Variants in IQGAP1 observed in about 807,000 individuals in gnomAD.
IQGAP1 encodes IQ motif containing GTPase activating protein 1.
IQGAP1 carries 66 observed loss-of-function variants against 215.6 expected under a neutral mutation model. The observed-to-expected ratio is 0.31, with a 90% CI of 0.25 to 0.38. The LOEUF (loss-of-function observed/expected upper bound fraction) is 0.38, where lower values mean the gene tolerates loss of function less well. Ranked by LOEUF, IQGAP1 falls within the 10% of genes least tolerant of loss-of-function variation. The probability of loss-of-function intolerance (pLI) is 1.00; values close to 1 mark genes in which losing one functional copy is unlikely to be tolerated. For synonymous variants in IQGAP1, 772 were observed against 728.7 expected, an observed-to-expected ratio of 1.06 and a Z score of -0.96; for missense variants, 1,712 against 1,997.1, an observed-to-expected ratio of 0.86 and a Z score of 2.72.
chr15:90,405,746 T>TG (rs1225415256), intron 2 of IQGAP1, among the ~76,000 whole-genome samples: 2 of 151,826 alleles, frequency 1.3e-5, no homozygotes, highest in Non-Finnish European at 2.9e-5. Flanking sequence ...TTCCAGGTTT[T>TG]TTTTTTTTTT....
intron 33 of IQGAP1, 50 bp downstream of exon 33, chr15:90,487,632 C>A: frequency 3.2e-6 from 4 of 1,245,368 alleles, no homozygotes; most frequent in South Asian, 2.4e-5. Context: ...TAAGCTCTCC[C>A]GATAGGCGCA....
At chr15:90,499,960 ATGTTTTGTT>A (rs764555250) in intron 37 of IQGAP1, 26 bp from the exon 38 acceptor site, 12 of 1,168,060 alleles carry the variant, frequency 1.0e-5, no homozygotes, top group African/African-American at 7.8e-5. Context: ...AACTGTCAAA[ATGTTTTGTT>A]TTGTTTTGTT....
At chr15:90,494,565 C>A in intron 35 of IQGAP1, 148 bp from the exon 36 acceptor site, 1 of 540,818 alleles carries the variant, frequency 1.8e-6, no homozygotes, top group Non-Finnish European at 3.2e-6. Context: ...TAGGCTAATT[C>A]TAACATTTGT....
At chr15:90,482,571 G>A in intron 28 of IQGAP1, 1 of 418,214 alleles carries the variant, frequency 2.4e-6, no homozygotes, top group South Asian at 2.5e-5. Flanking sequence ...CCCTCTGCTG[G>A]TGACCTGGCG....
chr15:90,440,281 A>G (rs962785593), intron 6 of IQGAP1, among the ~76,000 whole-genome samples: 10 of 152,234 alleles, frequency 6.6e-5, no homozygotes, highest in Admixed American at 2.6e-4. Context: ...TTCTCACTTT[A>G]TAGTTATTTT....
chr15:90,406,543 C>A lies in IQGAP1; in HGVS notation c.155+15670C>A, dbSNP rs369781203. On this transcript the variant is annotated intron_variant, in intron 2 of 37. Transcript: ENST00000268182. ...TACAACATTGTGAATATTCTAAAAG[C>A]AACTGAATTGTATATTTTAAATGAG... Among the ~76,000 whole-genome samples the A allele has an allele frequency of 2.6e-5, 4 of 152,188 alleles. No individual in the cohort carries two copies. The East Asian group carries it at 5.8e-4, about 22-fold the overall frequency.
rs1964581617 is a variant in IQGAP1, at chr15:90,388,388, A to C, written c.47A>C (p.His16Pro). 6.3e-7 allele frequency: 1 copy of C among 1,584,932 alleles called. No homozygotes were observed. The highest frequency in any genetic ancestry group is 8.6e-7 in the Non-Finnish European group (1 of 1,168,058). ...EVDGLGVARP[H>P]YGSVLDNERL... ...GACGGGCTGGGCGTGGCCCGGCCGC[A>C]CTATGGCTGTGAGTGCGGGGCTCCG... The change falls in exon 1 of 38, where the codon CAC becomes CCC. Residue 16 changes from histidine to proline, a missense_variant. This residue lies in a region of IQGAP1 where 1,021 missense variants were observed against 1,074.2 expected (regional missense o/e 0.95). Transcript: ENST00000268182.
At chr15:90,430,516 A>G (rs981608132) in intron 4 of IQGAP1, among the ~76,000 whole-genome samples, 2 of 152,168 alleles carry the variant, frequency 1.3e-5, no homozygotes, top group Non-Finnish European at 2.9e-5. Context: ...GCCAAATACT[A>G]GTGCCATTTA....
rs1205096319 is a variant in IQGAP1, at chr15:90,501,301, C to T, written c.*1193C>T. 1.3e-5 allele frequency: 2 copies of T among 151,170 alleles called. No individual in the cohort carries two copies. Among genetic ancestry groups the T allele is most frequent in the Non-Finnish European group, 2.9e-5 (2 of 67,920 alleles). 9.4% of individuals were successfully genotyped at this position (151,170 alleles called of 1,614,324 possible). Reference sequence around the variant, plus strand: ...CATTGTGCCTTTATTTTATGAGCCCCAGTTTTCTGGGCTTAGTTTAAAAAA... The same window carrying T: ...CATTGTGCCTTTATTTTATGAGCCCTAGTTTTCTGGGCTTAGTTTAAAAAA... On this transcript the variant is annotated 3_prime_UTR_variant, in exon 38 of 38. Transcript: ENST00000268182.
chr15:90,487,683 C>G (rs1966146285), intron 33 of IQGAP1, 101 bp downstream of exon 33: 1 of 781,208 alleles, frequency 1.3e-6, no homozygotes, highest in South Asian at 1.7e-5. Context: ...CAGTTGGTAG[C>G]CTAGGGGTGA....
chr15:90,416,679 G>A (rs923972850), intron 2 of IQGAP1, among the ~76,000 whole-genome samples: 52 of 151,352 alleles, frequency 3.4e-4, no homozygotes, highest in Admixed American at 1.1e-3. Context: ...CCGTGTTCAC[G>A]CCATTCTCCT....
intron 22 of IQGAP1, 56 bp from the exon 23 acceptor site, chr15:90,474,429 C>T: frequency 7.6e-7 from 1 of 1,321,440 alleles, no homozygotes; most frequent in Non-Finnish European, 1.1e-6. Flanking sequence ...ATGCTATTTC[C>T]TGAGACGTAG....
Position 90,473,083 on chromosome 15 carries a change from A to G in IQGAP1, c.2349+73A>G, listed in dbSNP as rs1044640663. On this transcript the variant is annotated intron_variant, in intron 19 of 37. Transcript: ENST00000268182. Reference sequence around the variant, plus strand: ...GGGTAATAAACGGTCAGCTGTCACCATTGACTGTCTGAGTGTGTTTTTTGA... The same window carrying G: ...GGGTAATAAACGGTCAGCTGTCACCGTTGACTGTCTGAGTGTGTTTTTTGA... 6 of 1,403,842 alleles carry G rather than the reference A, an allele frequency of 4.3e-6. No individual in the cohort carries two copies. In the African/African-American group the frequency reaches 8.5e-5, roughly 20 times the overall value. The allele number at this position is 1,403,842 out of a possible 1,614,324, so 87.0% of individuals were successfully genotyped here.
intron 2 of IQGAP1, among the ~76,000 whole-genome samples, chr15:90,400,239 G>A (rs8030390): frequency 0.38 from 57,795 of 151,880 alleles, 11,834 homozygotes; most frequent in African/African-American, 0.54. Context: ...CTATTTTATG[G>A]CTCTTCTTCA....
At chr15:90,393,074 C>T (rs1171004419) in intron 2 of IQGAP1, among the ~76,000 whole-genome samples, 4 of 149,530 alleles carry the variant, frequency 2.7e-5, no homozygotes, top group Non-Finnish European at 3.0e-5. Flanking sequence ...GGTTGTTAAC[C>T]AGGTGTGTGC....
At chr15:90,448,399 G>A (rs898849108) in intron 9 of IQGAP1, among the ~76,000 whole-genome samples, 174 bp from the exon 10 acceptor site, 1 of 152,186 alleles carries the variant, frequency 6.6e-6, no homozygotes, top group Non-Finnish European at 1.5e-5. Flanking sequence ...TGGACTTGAT[G>A]ACTCTAAGGT....
intron 2 of IQGAP1, among the ~76,000 whole-genome samples, chr15:90,397,040 A>G (rs1964731906): frequency 6.6e-6 from 1 of 151,936 alleles, no homozygotes; most frequent in Non-Finnish European, 1.5e-5. Context: ...TTTAGTAGAG[A>G]TGGGGTTTGA....
In IQGAP1 at chr15:90,494,765, C is replaced by A; in HGVS notation, c.4681C>A (p.Leu1561Met). The A allele has an allele frequency of 1.2e-6, 2 of 1,608,886 alleles. No individual in the cohort carries two copies. Among genetic ancestry groups the A allele is most frequent in the South Asian group, 2.2e-5 (2 of 90,614 alleles). ...AGGAAAGAAAAGCAAAAAGATTTCT[C>A]TGAAATATACAGCAGCAAGACTACA... ...MKGKKSKKISLKYTAARLHEK... is the reference protein window; with the variant it reads ...MKGKKSKKISMKYTAARLHEK... The change falls in exon 36 of 38, where the codon CTG becomes ATG. Residue 1561 changes from leucine to methionine, a missense_variant. Physicochemically the swap from Leu to Met is conservative, Grantham distance 15. Coordinates refer to ENST00000268182, the MANE Select transcript of IQGAP1 (RefSeq NM_003870.4).
At chr15:90,454,364 T>C in intron 13 of IQGAP1, 64 bp from the exon 14 acceptor site, 1 of 1,599,060 alleles carries the variant, frequency 6.3e-7, no homozygotes. Flanking sequence ...CCTAGCAATC[T>C]TTGTTCCTTG....
Sources: gnomAD v4.1 joint callset for allele counts (sites outside exome capture counted in the v4.1 genomes callset) on GRCh38, gnomAD v4.1.1 for gene constraint, gnomAD v4.1.1 regional missense constraint, MANE v1.5 for transcripts, NCBI Gene and HGNC (gene_info 2026-07-23, HGNC 2026-07-21) for gene names.